Variants in FLG observed in about 807,000 individuals in gnomAD.
FLG encodes the protein filaggrin.
FLG carries 6 observed loss-of-function variants against 3.8 expected under a neutral mutation model. That is an observed-to-expected ratio of 1.60 (90% CI 0.87 to 3.15). The LOEUF is 3.15. Ranked by LOEUF, FLG falls within the 30% of genes most tolerant of loss-of-function variation. The pLI is 0.00. For missense variants in FLG, 7,595 were observed against 5,050.9 expected, an observed-to-expected ratio of 1.50 and a Z score of -15.27; for synonymous variants, 2,551 against 1,931.6, an observed-to-expected ratio of 1.32 and a Z score of -8.41.
chr1:152,303,697 C>T lies in FLG; in HGVS notation c.11189G>A (p.Ser3730Asn). The change falls in exon 3 of 3, where the codon AGT (serine) becomes AAT (asparagine). Residue 3730 changes from serine to asparagine, a missense_variant. Ser to Asn is a conservative substitution (Grantham distance 46, BLOSUM62 1). Transcript: ENST00000368799. Reference sequence around the variant, plus strand: ...GCGGGATCCTTGTCTTCCTCCAGTACTGGGCCCAGCCCGTCCATGGGCAGA... The same window carrying T: ...GCGGGATCCTTGTCTTCCTCCAGTATTGGGCCCAGCCCGTCCATGGGCAGA... ...SESAHGRAGP[S>N]TGGRQGSRHE... 1 of 1,614,104 alleles carries T rather than the reference C, an allele frequency of 6.2e-7. No individual in the cohort carries two copies. The highest frequency in any genetic ancestry group is 8.5e-7 in the Non-Finnish European group (1 of 1,179,998).
Position 152,310,366 on chromosome 1 carries a change from T to C in FLG, c.4520A>G (p.Gln1507Arg), listed in dbSNP as rs1652318529. The part of the protein sequence containing the change: ...RGGRQGSYHE[Q>R]SVDRSGHSGY... ...TGAGTGTCCAGACCTATCTACTGAT[T>C]GCTCGTGGTAGGATCCCTGCCTTCC... Residue 1507 changes from glutamine to arginine, a missense_variant, in exon 3 of 3, where the codon CAA becomes CGA. Coordinates refer to ENST00000368799, the MANE Select transcript of FLG (RefSeq NM_002016.2). The C allele has an allele frequency of 1.2e-6, 2 of 1,613,832 alleles. No individual in the cohort carries two copies. The highest frequency in any genetic ancestry group is 1.7e-6 in the Non-Finnish European group (2 of 1,179,966).
chr1:152,308,762 T>C lies in FLG; in HGVS notation c.6124A>G (p.Ser2042Gly). Residue 2042 changes from serine to glycine, a missense_variant, in exon 3 of 3, where the codon AGT becomes GGT. Coordinates refer to ENST00000368799, the MANE Select transcript of FLG (RefSeq NM_002016.2). ...TGTCCCTCACTGTCACTGGCCTGAC[T>C]ACCACTGTACCCTCGGTGTCCACTG... ...RDSGHRGYSG[S>G]QASDSEGHSE... 6.2e-7 allele frequency: 1 copy of C among 1,614,174 alleles called. No individual in the cohort carries two copies. Among genetic ancestry groups the C allele is most frequent in the South Asian group, 1.1e-5 (1 of 91,076 alleles).
rs1283568316 is a variant in FLG, at chr1:152,312,043, T to G, written c.2843A>C (p.Gln948Pro). The G allele has an allele frequency of 5.0e-6, 8 of 1,614,032 alleles. No homozygotes were observed. The highest frequency in any genetic ancestry group is 5.1e-6 in the Non-Finnish European group (6 of 1,180,030). The change falls in exon 3 of 3, where the codon CAG (glutamine) becomes CCG (proline). Residue 948 changes from glutamine (Q) to proline (P), a missense_variant. Gln to Pro is a moderately conservative substitution (Grantham distance 76). Transcript: ENST00000368799. ...TSRRQGSSVS[Q>P]DSDSEGHSED... ...TGAATGTCCCTCACTGTCACTGTCC[T>G]GGCTAACACTGGATCCCTGGCGCCT... is the stretch of plus-strand genomic sequence containing the variant.
In FLG at chr1:152,308,481, C is replaced by G. The variant is rs768019651; in HGVS notation, c.6405G>C (p.Gln2135His). Residue 2135 changes from glutamine to histidine, a missense_variant, in exon 3 of 3, where the codon CAG (glutamine) becomes CAC (histidine). Physicochemically the swap from Gln to His is conservative, Grantham distance 24. Coordinates refer to ENST00000368799, the MANE Select transcript of FLG (RefSeq NM_002016.2). ...GCCCCGGGTGTCCACGAATGGTGTC[C>G]TGACCCTCTTGGGATGCTGAGTGCC... ...SSRHSASQEG[Q>H]DTIRGHPGPS... 1.2e-6 allele frequency: 2 copies of G among 1,613,738 alleles called. No homozygotes were observed. Among genetic ancestry groups the G allele is most frequent in the Admixed American group, 1.7e-5 (1 of 59,982 alleles).
In FLG at chr1:152,309,029, C is replaced by A. The variant is rs201043722; in HGVS notation, c.5857G>T (p.Gly1953Cys). The A allele has an allele frequency of 7.4e-5, 120 of 1,614,184 alleles. 1 individual carries two copies. The East Asian group carries it at 2.7e-3, about 36-fold the overall frequency. Residue 1953 changes from glycine (G) to cysteine (C), a missense_variant, in exon 3 of 3, where the codon GGC becomes TGC. By Grantham distance (159) the Gly-to-Cys change is radical. Coordinates refer to ENST00000368799, the MANE Select transcript of FLG (RefSeq NM_002016.2). The stretch of plus-strand genomic sequence containing the variant: ...TGATGGGACCCAGGGTGTCTGGAGC[C>A]ATCTCTTGACTGCTCCCAAGCAGAT... ...LGSAWEQSRD[G>C]SRHPGSHHED... is the part of the protein sequence containing the mutation.
In FLG at chr1:152,308,996, T is replaced by C; in HGVS notation, c.5890A>G (p.Arg1964Gly). Residue 1964 changes from arginine (R) to glycine (G), a missense_variant, in exon 3 of 3, where the codon AGA becomes GGA. Coordinates refer to ENST00000368799, the MANE Select transcript of FLG (RefSeq NM_002016.2). ...SRHPGSHHED[R>G]AGHGHSADSS... ...TCTGCAGAGTGCCCGTGACCGGCTC[T>C]GTCTTCGTGATGGGACCCAGGGTGT... 3 of 1,614,178 alleles carry C rather than the reference T, an allele frequency of 1.9e-6. No individual in the cohort carries two copies. Among genetic ancestry groups the C allele is most frequent in the East Asian group, 2.2e-5 (1 of 44,876 alleles).
intron 1 of FLG, among the ~76,000 whole-genome samples, chr1:152,316,934 G>A (rs1163017807): frequency 6.6e-6 from 1 of 152,038 alleles, no homozygotes; most frequent in Non-Finnish European, 1.5e-5. Flanking sequence ...TGATGTCCTT[G>A]ATTTTGATTC....
chr1:152,310,433 C>T lies in FLG; in HGVS notation c.4453G>A (p.Gly1485Ser), dbSNP rs200740047. ...GGGTGTCCACGAATGGTGTCCTGAC[C>T]GTCTTGGGATGCTGAGTGCCTAGAG... ...NSSRHSASQD[G>S]QDTIRGHPGS... Residue 1485 changes from glycine (G) to serine (S), a missense_variant, in exon 3 of 3, where the codon GGT becomes AGT. Transcript: ENST00000368799. The T allele has an allele frequency of 3.9e-5, 63 of 1,613,316 alleles. No homozygotes were observed. Among genetic ancestry groups the T allele is most frequent in the Middle Eastern group, 1.7e-4 (1 of 6,058 alleles).
In FLG at chr1:152,313,452, A is replaced by C; in HGVS notation, c.1434T>G (p.Pro478=). 6.2e-7 allele frequency: 1 copy of C among 1,613,756 alleles called. No individual in the cohort carries two copies. Among genetic ancestry groups the C allele is most frequent in the Non-Finnish European group, 8.5e-7 (1 of 1,179,972 alleles). ...TCCCGGTCCGTCCATGGGCAGAGTC[A>C]GGCTGTTCATGAGTGCTCACCTGGT... ...SLYQVSTHEQ[P]DSAHGRTGTS... The change falls in exon 3 of 3, where the codon CCT becomes CCG. Residue 478 remains proline, a synonymous_variant. Transcript: ENST00000368799.
At position 152,302,759 on chromosome 1, in the gene FLG, T is replaced by C. The variant is rs1651687227; in HGVS notation, c.12127A>G (p.Ser4043Gly). The C allele has an allele frequency of 6.2e-7, 1 of 1,614,168 alleles. No individual in the cohort carries two copies. The change falls in exon 3 of 3, where the codon AGT (serine) becomes GGT (glycine). Residue 4043 changes from serine to glycine, a missense_variant. By Grantham distance (56) the Ser-to-Gly change is moderately conservative. Coordinates refer to ENST00000368799, the MANE Select transcript of FLG (RefSeq NM_002016.2). The part of the protein sequence containing the change: ...NKDPGLCGHS[S>G]DISKQLGFSQ... Reference sequence around the variant, plus strand: ...AATCCCAGTTGTTTCGATATATCACTAGAATGGCCACATAAACCTGGGTCC... The same window carrying C: ...AATCCCAGTTGTTTCGATATATCACCAGAATGGCCACATAAACCTGGGTCC...
rs751715467 is a variant in FLG, at chr1:152,305,177, T to C, written c.9709A>G (p.Arg3237Gly). The C allele has an allele frequency of 2.5e-6, 4 of 1,613,754 alleles. No individual in the cohort carries two copies. In the African/African-American group the frequency reaches 5.3e-5, roughly 22 times the overall value. Residue 3237 changes from arginine to glycine, a missense_variant, in exon 3 of 3, where the codon AGA becomes GGA. Transcript: ENST00000368799. ...TCCTGAACAGATCCACGATGGTTTC[T>C]GGAAGCAGACCCAGACCACCTCTCA... is the stretch of plus-strand genomic sequence containing the variant. Reference protein sequence around the residue: ...DSERWSGSASRNHRGSVQEQS... With the variant: ...DSERWSGSASGNHRGSVQEQS...
chr1:152,311,981 T>G lies in FLG; in HGVS notation c.2905A>C (p.Asn969His). 1 of 1,613,690 alleles carries G rather than the reference T, an allele frequency of 6.2e-7. No individual in the cohort carries two copies. Among genetic ancestry groups the G allele is most frequent in the Admixed American group, 1.7e-5 (1 of 60,016 alleles). The change falls in exon 3 of 3, where the codon AAC becomes CAC. Residue 969 changes from asparagine to histidine, a missense_variant. Asn to His is a moderately conservative substitution (Grantham distance 68). Coordinates refer to ENST00000368799, the MANE Select transcript of FLG (RefSeq NM_002016.2). ...SERWSGSASR[N>H]HRGSAQEQSR... Reference sequence around the variant, plus strand: ...TGCTCCTGAGCAGATCCACGATGGTTTCTGGAAGCAGACCCAGACCACCTC... The same window carrying G: ...TGCTCCTGAGCAGATCCACGATGGTGTCTGGAAGCAGACCCAGACCACCTC...
chr1:152,317,058 A>G (rs1292118720), intron 1 of FLG, among the ~76,000 whole-genome samples: 2 of 152,076 alleles, frequency 1.3e-5, no homozygotes, highest in Non-Finnish European at 2.9e-5. Flanking sequence ...AGGGTAATAA[A>G]CAGTCTGTGC....
rs73005481 is a variant in FLG, at chr1:152,310,954, A to G, written c.3932T>C (p.Phe1311Ser). 485 of 1,607,878 alleles carry G rather than the reference A, an allele frequency of 3.0e-4. 2 individuals carry two copies. The African/African-American group carries it at 4.7e-3, about 16-fold the overall frequency. The change falls in exon 3 of 3, where the codon TTC becomes TCC. Residue 1311 changes from phenylalanine to serine, a missense_variant. By Grantham distance (155) the Phe-to-Ser change is radical (BLOSUM62 -2). Transcript: ENST00000368799. ...GTGACTGGCTCTGTCTTCTTGATGG[A>G]ACCCAGGGTGTCTGGAGCCATCTCT... ...QSRDGSRHPG[F>S]HQEDRASHGH...
intron 2 of FLG, among the ~76,000 whole-genome samples, 161 bp downstream of exon 2, chr1:152,315,158 C>T (rs1484514982): frequency 6.6e-6 from 1 of 151,698 alleles, no homozygotes; most frequent in African/African-American, 2.4e-5. Context: ...AATATACATC[C>T]AGGTATAGGG....
At position 152,305,129 on chromosome 1, in the gene FLG, G is replaced by A. The variant is rs141398552; in HGVS notation, c.9757C>T (p.His3253Tyr). The A allele has an allele frequency of 5.6e-6, 9 of 1,613,844 alleles. No homozygotes were observed. The highest frequency in any genetic ancestry group is 1.6e-4 in the Middle Eastern group (1 of 6,080). ...VQEQSRHGSR[H>Y]PRSHHEDRAG... is the part of the protein sequence containing the mutation. ...CTGTCTTCGTGATGGGACCTGGGGT[G>A]TCTGGAGCCGTGCCTTGACTGCTCC... is the stretch of plus-strand genomic sequence containing the variant. Residue 3253 changes from histidine (H) to tyrosine (Y), a missense_variant, in exon 3 of 3, where the codon CAC becomes TAC. By Grantham distance (83) the His-to-Tyr change is moderately conservative. Coordinates refer to ENST00000368799, the MANE Select transcript of FLG (RefSeq NM_002016.2).
rs528337607 is a variant in FLG at position 152,302,590 on chromosome 1, C to A, written c.*110G>T. 5.6e-5 allele frequency: 78 copies of A among 1,404,074 alleles called. No homozygotes were observed. In the African/African-American group the frequency reaches 9.6e-4, roughly 17 times the overall value. The allele number at this position is 1,404,074 out of a possible 1,614,324, so 87.0% of individuals were successfully genotyped here. On this transcript the variant is annotated 3_prime_UTR_variant, in exon 3 of 3. Coordinates refer to ENST00000368799, the MANE Select transcript of FLG (RefSeq NM_002016.2). ...ATGAAATACTATAGCATATTTTAAA[C>A]AGATTGACAGGAAAAGATAACTTCC...
chr1:152,311,129 C>A lies in FLG; in HGVS notation c.3757G>T (p.Gly1253Ter), dbSNP rs199895224. ...CTGGACCCCGATGATTGTTCCTGTC[C>A]CACCTGTGAGTGTCTAGAGCTGTCA... ...WADSSRHSQV[G>*]QEQSSGSRTS... is the part of the protein sequence containing the mutation. The change falls in exon 3 of 3, where the codon GGA becomes TGA. Residue 1253 changes from glycine (G) to a stop codon, truncating the protein, a stop_gained. Coordinates refer to ENST00000368799, the MANE Select transcript of FLG (RefSeq NM_002016.2). LOFTEE classifies it low-confidence loss of function (END_TRUNC). 42 of 1,613,722 alleles carry A rather than the reference C, an allele frequency of 2.6e-5. No individual in the cohort carries two copies. The highest frequency in any genetic ancestry group is 3.3e-5 in the South Asian group (3 of 91,060).
chr1:152,309,440 G>T lies in FLG; in HGVS notation c.5446C>A (p.His1816Asn), dbSNP rs1428880800. ...CTTCCTCCTCTGCTTGACCCTGGGT[G>T]TCCACGAATGGTGTCCTGACCCTCT... The part of the protein sequence containing the change: ...SQEGQDTIRG[H>N]PGSSRGGRQG... Residue 1816 changes from histidine to asparagine, a missense_variant, in exon 3 of 3, where the codon CAC (histidine) becomes AAC (asparagine). Physicochemically the swap from His to Asn is moderately conservative, Grantham distance 68. Transcript: ENST00000368799. 1.2e-6 allele frequency: 2 copies of T among 1,613,102 alleles called. No homozygotes were observed. Among genetic ancestry groups the T allele is most frequent in the African/African-American group, 1.3e-5 (1 of 74,682 alleles).
Sources: gnomAD v4.1 joint callset for allele counts (sites outside exome capture counted in the v4.1 genomes callset) on GRCh38, gnomAD v4.1.1 for gene constraint, MANE v1.5 for transcripts, NCBI Gene and HGNC (gene_info 2026-07-23, HGNC 2026-07-21) for gene names.